The following NCAM2 variants were observed in gnomAD, a reference collection of about 807,000 sequenced individuals.
NCAM2 encodes the protein neural cell adhesion molecule 2, also known as N-CAM-2.
A neutral mutation model predicts 98.1 loss-of-function variants in NCAM2; 30 were observed. That is an observed-to-expected ratio of 0.31 (90% CI 0.23 to 0.41). The LOEUF is 0.41. Among genes scored for constraint, NCAM2 ranks in the 10% least tolerant of loss-of-function variants. The pLI, the probability that NCAM2 is intolerant of heterozygous loss-of-function variation, is 1.00. For synonymous variants in NCAM2, 368 were observed against 342.4 expected (o/e 1.07, Z -0.83); for missense variants, 867 against 1,005.8 (o/e 0.86, Z 1.87).
intron 15 of NCAM2, among the ~76,000 whole-genome samples, chr21:21,483,133 G>C (rs930995136): frequency 1.2e-4 from 19 of 152,050 alleles, no homozygotes; most frequent in African/African-American, 4.6e-4. Flanking sequence ...CTTTTGGCCT[G>C]CCACATGTTT....
chr21:21,173,350 A>G (rs1233556191), intron 1 of NCAM2, among the ~76,000 whole-genome samples: 1 of 152,236 alleles, frequency 6.6e-6, no homozygotes, highest in Non-Finnish European at 1.5e-5. Context: ...GTTGCATTTC[A>G]GAGTAATACA....
intron 12 of NCAM2, 75 bp from the exon 13 acceptor site, chr21:21,466,531 C>G: frequency 9.1e-7 from 1 of 1,099,024 alleles, no homozygotes; most frequent in South Asian, 2.1e-5. Context: ...GATTTGTTTT[C>G]CTTATTAAAA....
At chr21:21,335,699 T>A in intron 7 of NCAM2, 34 bp downstream of exon 7, 1 of 1,498,236 alleles carries the variant, frequency 6.7e-7, no homozygotes. Flanking sequence ...AAAACTGTTA[T>A]GTCTATTGGA....
intron 16 of NCAM2, among the ~76,000 whole-genome samples, chr21:21,511,465 T>C (rs1376027563): frequency 6.6e-6 from 1 of 152,002 alleles, no homozygotes; most frequent in Non-Finnish European, 1.5e-5. Flanking sequence ...GATTTTCCAT[T>C]GTGTATTTAG....
chr21:21,462,938 G>C (rs1305313045), intron 12 of NCAM2, among the ~76,000 whole-genome samples: 2 of 152,018 alleles, frequency 1.3e-5, no homozygotes, highest in Non-Finnish European at 2.9e-5. Context: ...TTGTAATCTA[G>C]ATCTGCTTTC....
intron 1 of NCAM2, among the ~76,000 whole-genome samples, chr21:21,142,016 T>C (rs988740749): frequency 6.6e-6 from 1 of 152,194 alleles, no homozygotes; most frequent in African/African-American, 2.4e-5. Context: ...CATCTGAGTG[T>C]TTTAATTCAA....
chr21:21,440,599 T>G (rs1979096243), intron 12 of NCAM2, among the ~76,000 whole-genome samples: 1 of 151,874 alleles, frequency 6.6e-6, no homozygotes, highest in South Asian at 2.1e-4. Flanking sequence ...GAGGATCACT[T>G]GAACCCAGGA....
chr21:21,511,612 G>C (rs937188105), intron 16 of NCAM2, among the ~76,000 whole-genome samples: 2 of 151,802 alleles, frequency 1.3e-5, no homozygotes, highest in Non-Finnish European at 2.9e-5. Context: ...ATACCAAGCA[G>C]AGGAATCACT....
chr21:21,186,889 A>T (rs1251506096), intron 1 of NCAM2, among the ~76,000 whole-genome samples: 1 of 152,206 alleles, frequency 6.6e-6, no homozygotes, highest in African/African-American at 2.4e-5. Context: ...TTTAAAAAAG[A>T]TAATAAAATT....
In NCAM2 at chr21:21,463,053, A is replaced by G. The variant is rs971433699; in HGVS notation, c.1655-3553A>G. ...CTGTTTGTATATGCAGATTTAGGGA[A>G]AGAAAGTCTCACATTAACTATCTTC... On this transcript the variant is annotated intron_variant, in intron 12 of 17. Transcript: ENST00000400546. Among the ~76,000 whole-genome samples, 9 of 152,236 alleles carry G rather than the reference A, an allele frequency of 5.9e-5. No homozygotes were observed. In the South Asian group the frequency reaches 6.2e-4, roughly 11 times the overall value.
intron 1 of NCAM2, among the ~76,000 whole-genome samples, chr21:21,268,237 T>G (rs2072359346): frequency 1.3e-5 from 2 of 152,182 alleles, no homozygotes; most frequent in South Asian, 4.1e-4. Context: ...GTGGCTGCTG[T>G]GCACCTCAAG....
At chr21:21,514,480 A>C (rs796587181) in intron 16 of NCAM2, among the ~76,000 whole-genome samples, 13 of 84,646 alleles carry the variant, frequency 1.5e-4, no homozygotes, top group Middle Eastern at 0.011. Context: ...AACAAAAAAA[A>C]AAAAAAAAAA....
rs1602466087 is a variant in NCAM2 at position 21,480,412 on chromosome 21, T to C, written c.2077+2941T>C. Among the ~76,000 whole-genome samples, 3 of 150,390 alleles carry C rather than the reference T, an allele frequency of 2.0e-5. No homozygotes were observed. The East Asian group carries it at 5.8e-4, about 29-fold the overall frequency. ...AGAATAACTGCAACTAAGAGAGATT[T>C]TTCTTAGAAGGTGAGTTTCCAAAGG... On this transcript the variant is annotated intron_variant, in intron 15 of 17. Transcript: ENST00000400546.
At chr21:21,052,901 TA>T (rs2065140567) in intron 1 of NCAM2, among the ~76,000 whole-genome samples, 1 of 152,152 alleles carries the variant, frequency 6.6e-6, no homozygotes, top group African/African-American at 2.4e-5. Flanking sequence ...GTAAATAAAG[TA>T]TTCATAAGCC....
intron 1 of NCAM2, among the ~76,000 whole-genome samples, chr21:21,113,640 G>T (rs540025855): frequency 2.2e-4 from 33 of 152,082 alleles, no homozygotes; most frequent in African/African-American, 7.7e-4. Flanking sequence ...TTCCAAAAAC[G>T]CACAAAGTGT....
chr21:21,057,290 A>G (rs977418862), intron 1 of NCAM2, among the ~76,000 whole-genome samples: 2 of 152,162 alleles, frequency 1.3e-5, no homozygotes, highest in Non-Finnish European at 1.5e-5. Flanking sequence ...TGCAACAAAT[A>G]CAAAGAAACT....
intron 1 of NCAM2, among the ~76,000 whole-genome samples, chr21:21,038,966 A>G (rs570646673): frequency 3.5e-4 from 54 of 152,212 alleles, no homozygotes; most frequent in Non-Finnish European, 7.1e-4. Flanking sequence ...TTCCAACAAT[A>G]TCACTAAAGG....
intron 8 of NCAM2, among the ~76,000 whole-genome samples, chr21:21,354,344 T>C (rs1042673682): frequency 6.6e-5 from 10 of 152,188 alleles, no homozygotes; most frequent in African/African-American, 2.4e-4. Flanking sequence ...ATAACCAGCT[T>C]CATCTCTTTT....
chr21:21,000,278 A>G (rs2063994403), intron 1 of NCAM2, among the ~76,000 whole-genome samples: 1 of 152,224 alleles, frequency 6.6e-6, no homozygotes, highest in Non-Finnish European at 1.5e-5. Flanking sequence ...CTGCAATTAA[A>G]TAAGTGTAGG....
Sources: allele counts gnomAD v4.1 joint callset (sites outside exome capture counted in the v4.1 genomes callset), GRCh38; gene constraint gnomAD v4.1.1; transcripts MANE v1.5; gene names NCBI Gene and HGNC (gene_info 2026-07-23, HGNC 2026-07-21).